The following RNGTT variants were observed in gnomAD, a reference collection of about 807,000 sequenced individuals.
The protein encoded by RNGTT is mRNA-capping enzyme.
In RNGTT, 33 loss-of-function variants were observed where a neutral mutation model predicts 79.3. The observed-to-expected ratio is 0.42, with a 90% confidence interval of 0.32 to 0.56. The LOEUF is 0.56. Among genes scored for constraint, RNGTT ranks in the 20% least tolerant of loss-of-function variants. The pLI is 0.17. For synonymous variants in RNGTT, 222 were observed against 235.9 expected, an observed-to-expected ratio of 0.94 and a Z score of 0.54; for missense variants, 497 against 739.1, an observed-to-expected ratio of 0.67 and a Z score of 3.80.
intron 14 of RNGTT, among the ~76,000 whole-genome samples, chr6:88,675,496 A>C (rs1384422010): frequency 6.6e-6 from 1 of 152,202 alleles, no homozygotes; most frequent in African/African-American, 2.4e-5. Flanking sequence ...GTTCAAGACC[A>C]ACCTGGCCAA....
At chr6:88,805,563 T>C (rs1194497582) in intron 11 of RNGTT, among the ~76,000 whole-genome samples, 1 of 152,258 alleles carries the variant, frequency 6.6e-6, no homozygotes, top group African/African-American at 2.4e-5. Flanking sequence ...ATTATATTGA[T>C]AAAAAGCAGA....
At chr6:88,666,822 A>C (rs557034885) in intron 14 of RNGTT, among the ~76,000 whole-genome samples, 1 of 152,318 alleles carries the variant, frequency 6.6e-6, no homozygotes, top group Admixed American at 6.5e-5. Flanking sequence ...TCAGCCCAGA[A>C]GGCCGAACTC....
chr6:88,637,388 G>T (rs1773138011), intron 14 of RNGTT, among the ~76,000 whole-genome samples: 1 of 151,984 alleles, frequency 6.6e-6, no homozygotes, highest in Admixed American at 6.6e-5. Context: ...TGTTGTTCCA[G>T]TTCAGACTGA....
chr6:88,651,602 G>A (rs2127777992), intron 14 of RNGTT, among the ~76,000 whole-genome samples: 1 of 151,506 alleles, frequency 6.6e-6, no homozygotes, highest in East Asian at 1.9e-4. Flanking sequence ...ATAAAATGCT[G>A]ACAAAGAAAA....
At position 88,610,114 on chromosome 6, in the gene RNGTT, T is replaced by A. The variant is rs1771969591; in HGVS notation, c.*2605A>T. On this transcript the variant is annotated 3_prime_UTR_variant, in exon 16 of 16. Coordinates refer to ENST00000369485, the MANE Select transcript of RNGTT (RefSeq NM_003800.5). Reference sequence around the variant, plus strand: ...CCCTGTGTCAATCAAATTTCTCAGTTTCTCAGAAAGAAAAATAGAGGCTTT... The same window carrying A: ...CCCTGTGTCAATCAAATTTCTCAGTATCTCAGAAAGAAAAATAGAGGCTTT... Among the ~76,000 whole-genome samples, 1 of 152,182 alleles carries A rather than the reference T, an allele frequency of 6.6e-6. No individual in the cohort carries two copies. Among genetic ancestry groups the A allele is most frequent in the African/African-American group, 2.4e-5 (1 of 41,436 alleles).
chr6:88,620,654 A>G (rs1251976649), intron 14 of RNGTT, among the ~76,000 whole-genome samples: 1 of 152,198 alleles, frequency 6.6e-6, no homozygotes, highest in Admixed American at 6.5e-5. Flanking sequence ...TAAATGGAAA[A>G]CAAAAAGTCT....
intron 2 of RNGTT, among the ~76,000 whole-genome samples, chr6:88,939,075 C>T (rs1011986208): frequency 2.6e-5 from 4 of 152,272 alleles, no homozygotes; most frequent in Admixed American, 6.5e-5. Context: ...TTGACTATAA[C>T]GCGTTGTGGA....
chr6:88,831,693 C>T (rs9342166), intron 11 of RNGTT, among the ~76,000 whole-genome samples: 8,638 of 152,218 alleles, frequency 0.057, 470 homozygotes, highest in African/African-American at 0.14. Context: ...GAAAACTCCA[C>T]CGTCTCAGCC....
chr6:88,959,248 C>T (rs1582180863), intron 1 of RNGTT, among the ~76,000 whole-genome samples: 1 of 152,128 alleles, frequency 6.6e-6, no homozygotes, highest in African/African-American at 2.4e-5. Flanking sequence ...AAGACTACTA[C>T]AGTGTACACT....
intron 13 of RNGTT, among the ~76,000 whole-genome samples, chr6:88,734,222 C>T (rs929634427): frequency 1.1e-4 from 16 of 151,878 alleles, no homozygotes; most frequent in Non-Finnish European, 1.9e-4. Context: ...ACAAGCACTA[C>T]CCACAAAGCA....
intron 13 of RNGTT, among the ~76,000 whole-genome samples, chr6:88,725,646 G>A (rs990206741): frequency 1.3e-4 from 20 of 152,156 alleles, no homozygotes; most frequent in Non-Finnish European, 2.6e-4. Flanking sequence ...AGAAAGAGGT[G>A]AGAAATCCCC....
chr6:88,881,845 C>T (rs1340931947), intron 8 of RNGTT, among the ~76,000 whole-genome samples: 8 of 152,196 alleles, frequency 5.3e-5, no homozygotes, highest in Non-Finnish European at 1.2e-4. Flanking sequence ...CTATACTATA[C>T]AAAAACTGAG....
At chr6:88,713,480 T>C (rs1206983028) in intron 13 of RNGTT, among the ~76,000 whole-genome samples, 2 of 152,208 alleles carry the variant, frequency 1.3e-5, no homozygotes, top group Non-Finnish European at 2.9e-5. Context: ...AATAAGCCTG[T>C]TCCCAAATTC....
At chr6:88,831,963 T>G (rs1410335032) in intron 11 of RNGTT, among the ~76,000 whole-genome samples, 1 of 152,222 alleles carries the variant, frequency 6.6e-6, no homozygotes, top group East Asian at 1.9e-4. Context: ...TGGGAAAATA[T>G]TCCATGCTCA....
intron 12 of RNGTT, among the ~76,000 whole-genome samples, chr6:88,791,118 C>T (rs1054122846): frequency 1.3e-5 from 2 of 148,362 alleles, no homozygotes; most frequent in African/African-American, 5.0e-5. Flanking sequence ...CCCAGATGAA[C>T]CCTAAATGCA....
chr6:88,860,482 T>C (rs1045961035), intron 8 of RNGTT, among the ~76,000 whole-genome samples: 1 of 152,218 alleles, frequency 6.6e-6, no homozygotes, highest in Non-Finnish European at 1.5e-5. Flanking sequence ...GGCACAAGAA[T>C]AGTTGCAGAA....
chr6:88,709,106 G>A (rs780703584), intron 13 of RNGTT, among the ~76,000 whole-genome samples: 3 of 151,998 alleles, frequency 2.0e-5, no homozygotes, highest in South Asian at 2.1e-4. Flanking sequence ...TCAGGAGTTC[G>A]AGACCAGTCT....
intron 14 of RNGTT, among the ~76,000 whole-genome samples, chr6:88,619,593 A>G (rs1772366827): frequency 1.3e-5 from 2 of 152,222 alleles, no homozygotes; most frequent in African/African-American, 2.4e-5. Context: ...AGAGGGAGAA[A>G]GAAGGAAAGA....
intron 8 of RNGTT, among the ~76,000 whole-genome samples, chr6:88,875,992 G>A (rs1280349099): frequency 6.6e-6 from 1 of 152,068 alleles, no homozygotes; most frequent in Non-Finnish European, 1.5e-5. Flanking sequence ...ACAACCTCTA[G>A]CAAGGTATAT....
Sources: gnomAD v4.1 joint callset for allele counts (sites outside exome capture counted in the v4.1 genomes callset) on GRCh38, gnomAD v4.1.1 for gene constraint, MANE v1.5 for transcripts, NCBI Gene and HGNC (gene_info 2026-07-23, HGNC 2026-07-21) for gene names.